Variants in LRRC7 observed in about 807,000 individuals in gnomAD.
LRRC7 encodes leucine rich repeat containing 7.
Under a neutral mutation model 175.7 loss-of-function variants are expected in LRRC7, and 23 were observed. The observed-to-expected ratio is 0.13, with a 90% CI of 0.09 to 0.19. LRRC7 has a LOEUF of 0.19. Ranked by LOEUF, LRRC7 falls within the 10% of genes least tolerant of loss-of-function variation. The pLI is 1.00. For missense variants in LRRC7, 1,354 were observed against 1,904.7 expected, an observed-to-expected ratio of 0.71 and a Z score of 5.38; for synonymous variants, 685 against 680.9, an observed-to-expected ratio of 1.01 and a Z score of -0.09.
intron 7 of LRRC7, among the ~76,000 whole-genome samples, chr1:69,925,436 CTT>C (rs904103814): frequency 6.6e-6 from 1 of 152,006 alleles, no homozygotes; most frequent in Non-Finnish European, 1.5e-5. Context: ...GTCCTGGACT[CTT>C]TTTGGTTGGT....
rs543093725 is a variant in LRRC7 at position 70,136,637 on chromosome 1, G to C, written c.*14750G>C. Among the ~76,000 whole-genome samples, 5 of 151,460 alleles carry C rather than the reference G, an allele frequency of 3.3e-5. No homozygotes were observed. In the South Asian group the frequency reaches 1.0e-3, roughly 32 times the overall value. Reference sequence around the variant, plus strand: ...GCTATCGTGTAGGTACAAAATATGAGGAAAGAACACTGTATTGTCACCTTC... The same window carrying C: ...GCTATCGTGTAGGTACAAAATATGACGAAAGAACACTGTATTGTCACCTTC... On this transcript the variant is annotated 3_prime_UTR_variant, in exon 27 of 27. Coordinates refer to ENST00000651989, the MANE Select transcript of LRRC7 (RefSeq NM_001370785.2).
At chr1:70,025,381 T>TA (rs981618004) in intron 17 of LRRC7, among the ~76,000 whole-genome samples, 2 of 151,828 alleles carry the variant, frequency 1.3e-5, no homozygotes, top group Non-Finnish European at 2.9e-5. Flanking sequence ...ACATGGGAGA[T>TA]ACTGAATTAA....
intron 3 of LRRC7, among the ~76,000 whole-genome samples, chr1:69,786,858 C>A (rs1006980206): frequency 6.6e-6 from 1 of 152,120 alleles, no homozygotes; most frequent in Admixed American, 6.5e-5. Context: ...CCAGATCTTA[C>A]GTACTCACAT....
At position 70,133,308 on chromosome 1, in the gene LRRC7, C is replaced by T. The variant is rs901301813; in HGVS notation, c.*11421C>T. On this transcript the variant is annotated 3_prime_UTR_variant, in exon 27 of 27. Transcript: ENST00000651989. ...CGATCTCGGCTCACTGCAACCTCCA[C>T]CTCCTGGGTTCAAACGATTTTCCTG... 2.0e-5 allele frequency among the ~76,000 whole-genome samples: 3 copies of T among 152,054 alleles called. No homozygotes were observed. Among genetic ancestry groups the T allele is most frequent in the African/African-American group, 7.2e-5 (3 of 41,384 alleles).
At chr1:69,998,452 T>C (rs957439059) in intron 11 of LRRC7, among the ~76,000 whole-genome samples, 1 of 152,136 alleles carries the variant, frequency 6.6e-6, no homozygotes, top group Admixed American at 6.5e-5. Context: ...CACTATACAG[T>C]GTGTTTCTCT....
At position 70,122,212 on chromosome 1, in the gene LRRC7, G is replaced by A. The variant is rs1038395708; in HGVS notation, c.*325G>A. ...TTTCGGAGCACGGAAGCACACACAA[G>A]CTCTTTATGAATTCTGCTCTCCATC... On this transcript the variant is annotated 3_prime_UTR_variant, in exon 27 of 27. Coordinates refer to ENST00000651989, the MANE Select transcript of LRRC7 (RefSeq NM_001370785.2). 23 of 189,688 alleles carry A rather than the reference G, an allele frequency of 1.2e-4. No homozygotes were observed. In the South Asian group the frequency reaches 2.6e-3, roughly 21 times the overall value. The allele number at this position is 189,688 out of a possible 1,614,324, so 11.8% of individuals were successfully genotyped here. A position where few individuals can be genotyped will look rare whatever the true frequency, so the allele number is the denominator to read the frequency against.
rs111341281 is a variant in LRRC7 at position 69,969,174 on chromosome 1, A to G, written c.712-11205A>G. On this transcript the variant is annotated intron_variant, in intron 8 of 26. Transcript: ENST00000651989. Reference sequence around the variant, plus strand: ...AAACACATCAAAACAGAACCTCTTTAAAGCATAAATCACACAGAACCTATA... The same window carrying G: ...AAACACATCAAAACAGAACCTCTTTGAAGCATAAATCACACAGAACCTATA... 2.6e-3 allele frequency among the ~76,000 whole-genome samples: 397 copies of G among 152,250 alleles called. 1 individual carries two copies. Among genetic ancestry groups the G allele is most frequent in the Non-Finnish European group, 3.8e-3 (259 of 68,020 alleles).
intron 1 of LRRC7, among the ~76,000 whole-genome samples, chr1:69,659,674 A>G (rs1224752695): frequency 6.6e-6 from 1 of 152,028 alleles, no homozygotes; most frequent in Non-Finnish European, 1.5e-5. Context: ...CATTTTCAGA[A>G]GAACAACAGA....
chr1:69,706,547 G>C (rs1383704040), intron 2 of LRRC7, among the ~76,000 whole-genome samples: 1 of 152,106 alleles, frequency 6.6e-6, no homozygotes, highest in Non-Finnish European at 1.5e-5. Flanking sequence ...ATGGCCTTAA[G>C]AAATATTTCA....
At chr1:69,609,267 T>C (rs986274562) in intron 1 of LRRC7, among the ~76,000 whole-genome samples, 4 of 152,040 alleles carry the variant, frequency 2.6e-5, no homozygotes, top group African/African-American at 7.2e-5. Context: ...ATCTGACTCA[T>C]GTCTACGTAT....
intron 1 of LRRC7, among the ~76,000 whole-genome samples, chr1:69,666,338 G>A (rs227125): frequency 0.67 from 101,137 of 151,734 alleles, 34,126 homozygotes; most frequent in African/African-American, 0.76. Context: ...CCTTGTGAAT[G>A]AGTCTGAAAG....
intron 1 of LRRC7, among the ~76,000 whole-genome samples, chr1:69,640,259 G>T (rs187985558): frequency 1.3e-5 from 2 of 151,670 alleles, no homozygotes; most frequent in Non-Finnish European, 3.0e-5. Context: ...CTCTCAGAAT[G>T]TTATAATGGT....
intron 1 of LRRC7, among the ~76,000 whole-genome samples, chr1:69,669,809 GCTGA>G (rs745829092): frequency 6.6e-5 from 10 of 151,924 alleles, no homozygotes; most frequent in Non-Finnish European, 1.3e-4. Context: ...CTGTTTTCAT[GCTGA>G]CTAATTGTTT....
chr1:70,022,478 ATACT>A (rs1334031071), intron 16 of LRRC7: 2 of 152,156 alleles, frequency 1.3e-5, no homozygotes, highest in Non-Finnish European at 2.9e-5. Context: ...AATATAGTAA[ATACT>A]TACAGTTATT....
At chr1:69,598,027 A>G (rs1646911490) in intron 1 of LRRC7, among the ~76,000 whole-genome samples, 1 of 152,212 alleles carries the variant, frequency 6.6e-6, no homozygotes, top group African/African-American at 2.4e-5. Context: ...TTAAAGTGAC[A>G]TAAAATGATT....
At chr1:69,770,968 A>G (rs1025203968) in intron 3 of LRRC7, among the ~76,000 whole-genome samples, 2 of 152,232 alleles carry the variant, frequency 1.3e-5, no homozygotes, top group Non-Finnish European at 2.9e-5. Flanking sequence ...GTTTCCAGAA[A>G]TACAAGAACC....
At chr1:70,103,638 G>A (rs1278917833) in intron 25 of LRRC7, among the ~76,000 whole-genome samples, 3 of 152,150 alleles carry the variant, frequency 2.0e-5, no homozygotes, top group Non-Finnish European at 4.4e-5. Context: ...CTACAGAACA[G>A]TAAAATAATA....
intron 2 of LRRC7, among the ~76,000 whole-genome samples, chr1:69,702,221 A>G (rs1334605969): frequency 6.6e-6 from 1 of 152,214 alleles, no homozygotes; most frequent in Non-Finnish European, 1.5e-5. Flanking sequence ...TATTTAATCA[A>G]GAACATATTT....
intron 7 of LRRC7, among the ~76,000 whole-genome samples, chr1:69,852,818 C>T (rs1248234218): frequency 6.6e-6 from 1 of 152,030 alleles, no homozygotes; most frequent in Non-Finnish European, 1.5e-5. Context: ...ATTTCCATAA[C>T]ATTATGTAAA....
Sources: gnomAD v4.1 joint callset for allele counts (sites outside exome capture counted in the v4.1 genomes callset) on GRCh38, gnomAD v4.1.1 for gene constraint, MANE v1.5 for transcripts, NCBI Gene and HGNC (gene_info 2026-07-23, HGNC 2026-07-21) for gene names.